The following KLHL1 variants were observed in gnomAD, a reference collection of about 807,000 sequenced individuals.
The protein encoded by KLHL1 is kelch like family member 1.
KLHL1 carries 47 observed loss-of-function variants against 77.7 expected under a neutral mutation model. The observed-to-expected ratio is 0.60, with a 90% CI of 0.48 to 0.77. The LOEUF is 0.77. Ranked by LOEUF, KLHL1 falls within the 30% of genes least tolerant of loss-of-function variation. The pLI is 0.00. For missense variants in KLHL1, 925 were observed against 910.8 expected, an observed-to-expected ratio of 1.02 and a Z score of -0.20; for synonymous variants, 360 against 325.2, an observed-to-expected ratio of 1.11 and a Z score of -1.15.
At chr13:69,990,325 AC>A (rs1180395109) in intron 1 of KLHL1, among the ~76,000 whole-genome samples, 1 of 151,964 alleles carries the variant, frequency 6.6e-6, no homozygotes. Flanking sequence ...TATCAATACT[AC>A]CCCTGAATGT....
At chr13:69,947,375 T>A (rs1310514328) in intron 3 of KLHL1, among the ~76,000 whole-genome samples, 4 of 151,992 alleles carry the variant, frequency 2.6e-5, no homozygotes, top group African/African-American at 4.8e-5. Context: ...TGTGTATTTT[T>A]ACTTCCCAGA....
At chr13:69,975,488 C>A in intron 2 of KLHL1, 132 bp downstream of exon 2, 6 of 764,516 alleles carry the variant, frequency 7.8e-6, no homozygotes, top group Non-Finnish European at 1.0e-5. Context: ...AAACAAACAA[C>A]AACAACAACA....
Position 69,771,117 on chromosome 13 carries a change from C to T in KLHL1, c.1639+25621G>A, listed in dbSNP as rs928812110. On this transcript the variant is annotated intron_variant, in intron 7 of 10. Coordinates refer to ENST00000377844, the MANE Select transcript of KLHL1 (RefSeq NM_020866.3). ...GGCTTTACCAACCTTTTCTTCTCTG[C>T]CTGATAAGTCTTCAAATCAAGACTT... is the stretch of plus-strand genomic sequence containing the variant. Among the ~76,000 whole-genome samples the T allele has an allele frequency of 7.2e-5, 11 of 152,084 alleles. No individual in the cohort carries two copies. In the South Asian group the frequency reaches 1.7e-3, roughly 23 times the overall value.
rs1885020876 is a variant in KLHL1 at position 69,991,265 on chromosome 13, CA to C, written c.498-15464del. 3.3e-5 allele frequency among the ~76,000 whole-genome samples: 5 copies of C among 151,708 alleles called. No homozygotes were observed. The South Asian group carries it at 1.0e-3, about 32-fold the overall frequency. ...GAGAACTAGAAAAACAAGAGCGAAC[CA>C]ACCCAAAGGCTAGCAGAAGACAAGA... is the stretch of plus-strand genomic sequence containing the variant. On this transcript the variant is annotated intron_variant, in intron 1 of 10. Coordinates refer to ENST00000377844, the MANE Select transcript of KLHL1 (RefSeq NM_020866.3).
At chr13:69,843,194 T>G (rs763776443) in intron 5 of KLHL1, among the ~76,000 whole-genome samples, 1 of 151,736 alleles carries the variant, frequency 6.6e-6, no homozygotes, top group Non-Finnish European at 1.5e-5. Flanking sequence ...CCAAATACCC[T>G]GCCTTGATCA....
intron 4 of KLHL1, among the ~76,000 whole-genome samples, chr13:69,925,862 T>A (rs182186644): frequency 6.6e-6 from 1 of 152,360 alleles, no homozygotes; most frequent in Non-Finnish European, 1.5e-5. Context: ...GTGTGAGTTA[T>A]GGTTTTTACT....
chr13:69,775,857 A>C (rs897072142), intron 7 of KLHL1, among the ~76,000 whole-genome samples: 1 of 152,150 alleles, frequency 6.6e-6, no homozygotes, highest in South Asian at 2.1e-4. Context: ...CATTTTAAAA[A>C]AATTATTATT....
At chr13:69,910,515 G>C (rs892851297) in intron 4 of KLHL1, among the ~76,000 whole-genome samples, 1 of 151,934 alleles carries the variant, frequency 6.6e-6, no homozygotes, top group Non-Finnish European at 1.5e-5. Flanking sequence ...CCACTACTAT[G>C]TTTCGGGTAT....
chr13:69,996,905 A>G (rs1885166613), intron 1 of KLHL1, among the ~76,000 whole-genome samples: 1 of 110,876 alleles, frequency 9.0e-6, no homozygotes. Context: ...TATTTTATTC[A>G]TTAAATTTTT....
At chr13:70,004,751 T>G (rs866337741) in intron 1 of KLHL1, among the ~76,000 whole-genome samples, 1 of 151,920 alleles carries the variant, frequency 6.6e-6, no homozygotes, top group Middle Eastern at 3.4e-3. Flanking sequence ...CCCAAATAAC[T>G]TTATTATATG....
intron 6 of KLHL1, among the ~76,000 whole-genome samples, chr13:69,807,795 C>T (rs1009547995): frequency 3.3e-5 from 5 of 152,156 alleles, no homozygotes; most frequent in South Asian, 2.1e-4. Flanking sequence ...GACTGGAGTG[C>T]GAGGAGTGTT....
At position 69,784,521 on chromosome 13, in the gene KLHL1, C is replaced by T. The variant is rs937894632; in HGVS notation, c.1639+12217G>A. ...CAAGCAAATGGAAAACAAAAAAAGG[C>T]AGGGGTTGCAATCCTAGTCTCTGAT... is the stretch of plus-strand genomic sequence containing the variant. On this transcript the variant is annotated intron_variant, in intron 7 of 10. Coordinates refer to ENST00000377844, the MANE Select transcript of KLHL1 (RefSeq NM_020866.3). Among the ~76,000 whole-genome samples the T allele has an allele frequency of 6.3e-4, 96 of 152,020 alleles. 1 individual carries two copies. Among genetic ancestry groups the T allele is most frequent in the African/African-American group, 2.2e-3 (90 of 41,452 alleles).
intron 1 of KLHL1, among the ~76,000 whole-genome samples, chr13:70,020,538 T>C (rs903609369): frequency 1.3e-5 from 2 of 152,146 alleles, no homozygotes; most frequent in African/African-American, 4.8e-5. Context: ...ATAGATCTAC[T>C]GGCATACTTA....
intron 5 of KLHL1, among the ~76,000 whole-genome samples, chr13:69,881,016 C>G (rs2138193371): frequency 6.6e-6 from 1 of 152,244 alleles, no homozygotes; most frequent in East Asian, 1.9e-4. Flanking sequence ...GGCATTAGAA[C>G]CCAAGCTGGG....
At chr13:69,862,752 CTG>C (rs1254300156) in intron 5 of KLHL1, among the ~76,000 whole-genome samples, 3 of 151,812 alleles carry the variant, frequency 2.0e-5, no homozygotes, top group Non-Finnish European at 2.9e-5. Context: ...AGATCTCTCT[CTG>C]TTTGTTTCTT....
intron 6 of KLHL1, among the ~76,000 whole-genome samples, chr13:69,827,324 C>G (rs1219167789): frequency 6.6e-6 from 1 of 151,582 alleles, no homozygotes; most frequent in Non-Finnish European, 1.5e-5. Flanking sequence ...GAGATTTTTT[C>G]CTTCACACAC....
intron 1 of KLHL1, among the ~76,000 whole-genome samples, chr13:70,004,800 A>G (rs537002107): frequency 3.3e-5 from 5 of 151,910 alleles, no homozygotes; most frequent in African/African-American, 9.6e-5. Flanking sequence ...AATCAAAATT[A>G]CTGTACTAAT....
At chr13:69,874,439 T>C (rs772654658) in intron 5 of KLHL1, among the ~76,000 whole-genome samples, 16 of 152,146 alleles carry the variant, frequency 1.1e-4, no homozygotes, top group Non-Finnish European at 2.2e-4. Context: ...ACTCAATATC[T>C]CCACTTAAAA....
intron 5 of KLHL1, among the ~76,000 whole-genome samples, chr13:69,878,932 T>G (rs1880874781): frequency 6.6e-6 from 1 of 152,114 alleles, no homozygotes; most frequent in Admixed American, 6.5e-5. Context: ...TAAAAAATGA[T>G]GAGTTCATGT....
Sources: allele counts gnomAD v4.1 joint callset (sites outside exome capture counted in the v4.1 genomes callset), GRCh38; gene constraint gnomAD v4.1.1; transcripts MANE v1.5; gene names NCBI Gene and HGNC (gene_info 2026-07-23, HGNC 2026-07-21).